SLC37A2: variants seen among roughly 807,000 people sequenced by gnomAD.
SLC37A2 encodes the protein glucose-6-phosphate exchanger SLC37A2.
Under a neutral mutation model 70.7 loss-of-function variants are expected in SLC37A2, and 59 were observed. The ratio of observed to expected loss-of-function variants is 0.83; its 90% confidence interval spans 0.68 to 1.04. SLC37A2 has a LOEUF of 1.04. Among genes scored for constraint, SLC37A2 ranks in the 50% least tolerant of loss-of-function variants. SLC37A2 has a pLI of 0.00. For missense variants in SLC37A2, 580 were observed against 658.1 expected, an observed-to-expected ratio of 0.88 and a Z score of 1.30; for synonymous variants, 257 against 262.1, an observed-to-expected ratio of 0.98 and a Z score of 0.19.
intron 16 of SLC37A2, 24 bp downstream of exon 16, chr11:125,085,698 T>C (rs1488290558): frequency 3.1e-6 from 5 of 1,606,686 alleles, no homozygotes; most frequent in East Asian, 4.5e-5. Flanking sequence ...GGTACACAGA[T>C]AGGTATTGAG....
intron 14 of SLC37A2, 61 bp downstream of exon 14, chr11:125,085,200 T>C: frequency 3.3e-6 from 5 of 1,509,386 alleles, no homozygotes; most frequent in Non-Finnish European, 4.6e-6. Context: ...AGGGCCACCA[T>C]CTCCAGGTCC....
Position 125,077,463 on chromosome 11 carries a change from T to C in SLC37A2, c.249T>C (p.Tyr83=), listed in dbSNP as rs894667172. 1 of 1,613,796 alleles carries C rather than the reference T, an allele frequency of 6.2e-7. No homozygotes were observed. The highest frequency in any genetic ancestry group is 8.5e-7 in the Non-Finnish European group (1 of 1,179,830). The change falls in exon 4 of 18, where the codon TAT becomes TAC. Residue 83 remains tyrosine, a synonymous_variant. Transcript: ENST00000403796. ...CSWAPFDKDN[Y]KELLGGVDNA... is the part of the protein sequence containing the mutation. ...ATCTGCTTTCAGACAAGGACAACTATAAGGAGTTACTAGGGGGCGTGGACA... is the reference window on the plus strand; with the variant it reads ...ATCTGCTTTCAGACAAGGACAACTACAAGGAGTTACTAGGGGGCGTGGACA...
At position 125,063,534 on chromosome 11, in the gene SLC37A2, G is replaced by A. The variant is rs895941674; in HGVS notation, c.59+108G>A. 2.3e-5 allele frequency: 23 copies of A among 1,015,424 alleles called. No homozygotes were observed. Among genetic ancestry groups the A allele is most frequent in the Non-Finnish European group, 2.9e-5 (20 of 700,248 alleles). The allele number at this position is 1,015,424 out of a possible 1,614,324, so 62.9% of individuals were successfully genotyped here. A position where few individuals can be genotyped will look rare whatever the true frequency, so the allele number is the denominator to read the frequency against. On this transcript the variant is annotated intron_variant, in intron 1 of 17. Coordinates refer to ENST00000403796, the MANE Select transcript of SLC37A2 (RefSeq NM_001145290.2). This position sits in a 1 kb window ranked among gnomAD's most constrained non-coding sequence, Gnocchi z 5.4. ...CCCAGATCGGCCCCGGCGTCGCCGC[G>A]TGGCCAGGGGTGCTGGGGGGACTTG...
rs1304479884 is a variant in SLC37A2, at chr11:125,089,159, G to C, written c.*1025G>C. On this transcript the variant is annotated 3_prime_UTR_variant, in exon 18 of 18. Transcript: ENST00000403796. Reference sequence around the variant, plus strand: ...CACCCCAAGTCCCGGATCACTCGCTGTTTTCTGGCTAGCTCTTGGCATCTC... The same window carrying C: ...CACCCCAAGTCCCGGATCACTCGCTCTTTTCTGGCTAGCTCTTGGCATCTC... 1 of 152,340 alleles carries C rather than the reference G, an allele frequency of 6.6e-6. No homozygotes were observed. The allele number at this position is 152,340 out of a possible 1,614,324, so 9.4% of individuals were successfully genotyped here.
intron 1 of SLC37A2, among the ~76,000 whole-genome samples, chr11:125,074,180 G>C (rs1949058635): frequency 6.6e-6 from 1 of 152,006 alleles, no homozygotes; most frequent in Non-Finnish European, 1.5e-5. Context: ...CCCTGCCCCA[G>C]CTGTGGTTGA....
chr11:125,086,076 C>A, intron 17 of SLC37A2, 58 bp downstream of exon 17: 2 of 1,575,148 alleles, frequency 1.3e-6, no homozygotes, highest in African/African-American at 1.3e-5. Context: ...TGGGAATCAG[C>A]CCAGCGCTCA....
At position 125,078,638 on chromosome 11, in the gene SLC37A2, G is replaced by A. The variant is rs543244237; in HGVS notation, c.315-474G>A. Among the ~76,000 whole-genome samples the A allele has an allele frequency of 3.3e-4, 50 of 152,280 alleles. 1 individual carries two copies. The highest frequency in any genetic ancestry group is 1.2e-3 in the African/African-American group (49 of 41,540). On this transcript the variant is annotated intron_variant, in intron 4 of 17. Transcript: ENST00000403796. ...AGATGAGGATAGCAGGATGATGAAG[G>A]CGTCAGGGTGGTTGGTGGGAAGAGG...
At position 125,082,221 on chromosome 11, in the gene SLC37A2, G is replaced by T. The variant is rs748534882; in HGVS notation, c.886-23G>T. ...CCAGGACCTCTGGACCCCTTCCCAT[G>T]TGCCCCCTGTTGCACTCCCCAGGGC... On this transcript the variant is annotated intron_variant, in intron 9 of 17. Transcript: ENST00000403796. The T allele has an allele frequency of 6.8e-6, 11 of 1,612,242 alleles. No homozygotes were observed. The East Asian group carries it at 2.5e-4, about 36-fold the overall frequency.
At chr11:125,067,354 G>A (rs1948991902) in intron 1 of SLC37A2, among the ~76,000 whole-genome samples, 1 of 152,128 alleles carries the variant, frequency 6.6e-6, no homozygotes, top group Non-Finnish European at 1.5e-5. Flanking sequence ...GTTGTTATCG[G>A]GGAAGGCACC....
intron 17 of SLC37A2, chr11:125,086,289 G>A (rs972502399): frequency 1.1e-5 from 17 of 1,544,606 alleles, no homozygotes; most frequent in Middle Eastern, 1.7e-4. Context: ...TCTGTGACTC[G>A]AGTGCCATTT....
Position 125,079,749 on chromosome 11 carries a change from C to T in SLC37A2, c.516C>T (p.Phe172=), listed in dbSNP as rs369073085. The part of the protein sequence containing the change: ...PSVVTCVGNW[F]GKGKRGFIMG... ...TGGTGACCTGTGTTGGCAACTGGTT[C>T]GGGAAGGGGAAGTGAGTGTAACAAG... Residue 172 remains phenylalanine (F), a synonymous_variant, in exon 6 of 18, where the codon TTC becomes TTT. Coordinates refer to ENST00000403796, the MANE Select transcript of SLC37A2 (RefSeq NM_001145290.2). 4.1e-5 allele frequency: 66 copies of T among 1,609,046 alleles called. No homozygotes were observed. Among genetic ancestry groups the T allele is most frequent in the South Asian group, 1.4e-4 (13 of 89,898 alleles).
chr11:125,077,711 T>G (rs947798903), intron 4 of SLC37A2, among the ~76,000 whole-genome samples, 183 bp downstream of exon 4: 1 of 152,252 alleles, frequency 6.6e-6, no homozygotes, highest in Non-Finnish European at 1.5e-5. Flanking sequence ...AGACTCCCAC[T>G]GGTAGCAGCT....
intron 1 of SLC37A2, among the ~76,000 whole-genome samples, chr11:125,064,036 G>A (rs917735231): frequency 6.6e-6 from 1 of 152,236 alleles, no homozygotes; most frequent in Non-Finnish European, 1.5e-5. Context: ...CACATGTTGG[G>A]CTGCAAGGTG....
chr11:125,085,705 T>C, intron 16 of SLC37A2, 31 bp downstream of exon 16: 4 of 1,602,572 alleles, frequency 2.5e-6, no homozygotes, highest in Non-Finnish European at 2.6e-6. Flanking sequence ...AGATAGGTAT[T>C]GAGGGATGCT....
At chr11:125,079,576 A>T (rs1386037821) in intron 5 of SLC37A2, 108 bp from the exon 6 acceptor site, 1 of 818,558 alleles carries the variant, frequency 1.2e-6, no homozygotes, top group African/African-American at 1.7e-5. Flanking sequence ...TGGGGTATGG[A>T]GGGCCCCTTG....
In SLC37A2 at chr11:125,080,576, A is replaced by G. The variant is rs376873883; in HGVS notation, c.528-38A>G. The G allele has an allele frequency of 1.4e-6, 2 of 1,419,710 alleles. No homozygotes were observed. The highest frequency in any genetic ancestry group is 1.9e-6 in the Non-Finnish European group (2 of 1,076,330). 87.9% of individuals were successfully genotyped at this position (1,419,710 alleles called of 1,614,324 possible). A position where few individuals can be genotyped will look rare whatever the true frequency, so the allele number is the denominator to read the frequency against. On this transcript the variant is annotated intron_variant, in intron 6 of 17. Transcript: ENST00000403796. The surrounding 1 kb of genome is among the most constrained non-coding windows in gnomAD (Gnocchi z 4.3). ...CTATGAACAATGTGCTTTGCTTTTT[A>G]CTTTTTATACCTCTTCCCTTCTCTC...
At position 125,082,303 on chromosome 11, in the gene SLC37A2, C is replaced by A; in HGVS notation, c.945C>A (p.Leu315=). 1 of 1,614,002 alleles carries A rather than the reference C, an allele frequency of 6.2e-7. No homozygotes were observed. Among genetic ancestry groups the A allele is most frequent in the South Asian group, 1.1e-5 (1 of 91,072 alleles). The change falls in exon 10 of 18, where the codon CTC becomes CTA. Residue 315 remains leucine, a synonymous_variant. Transcript: ENST00000403796. ...CCAAGCTGGTCAGTTACACCTTCCT[C>A]TACTGGCTGCCCCTCTACATCGCCA... ...LFAKLVSYTF[L]YWLPLYIANV... is the part of the protein sequence containing the mutation.
chr11:125,087,268 A>T (rs7925828), intron 17 of SLC37A2: 4,175 of 152,570 alleles, frequency 0.027, 178 homozygotes, highest in African/African-American at 0.091. Context: ...ACAGCCTAAC[A>T]CTGAAACTGG....
intron 9 of SLC37A2, 150 bp downstream of exon 9, chr11:125,082,056 T>C: frequency 9.6e-7 from 1 of 1,046,708 alleles, no homozygotes; most frequent in Non-Finnish European, 1.4e-6. Flanking sequence ...GAGGGCAGTG[T>C]GGGAGATTTG....
Sources: gnomAD v4.1 joint callset for allele counts (sites outside exome capture counted in the v4.1 genomes callset) on GRCh38, gnomAD v4.1.1 for gene constraint, Gnocchi (gnomAD v3.1) non-coding constraint, MANE v1.5 for transcripts, NCBI Gene and HGNC (gene_info 2026-07-23, HGNC 2026-07-21) for gene names.